Variants in SEZ6L2 observed in about 807,000 individuals in gnomAD.
The protein encoded by SEZ6L2 is seizure related 6 homolog like 2.
In SEZ6L2, 44 loss-of-function variants were observed where a neutral mutation model predicts 97.0. The ratio of observed to expected loss-of-function variants is 0.45; its 90% CI spans 0.36 to 0.58. SEZ6L2 has a LOEUF of 0.58. Among genes scored for constraint, SEZ6L2 ranks in the 20% least tolerant of loss-of-function variants. SEZ6L2 has a pLI of 0.00. For synonymous variants in SEZ6L2, 543 were observed against 546.1 expected, an observed-to-expected ratio of 0.99 and a Z score of 0.08; for missense variants, 1,086 against 1,233.3, an observed-to-expected ratio of 0.88 and a Z score of 1.79.
At chr16:29,890,793 G>A (rs1313813342) in intron 5 of SEZ6L2, among the ~76,000 whole-genome samples, 1 of 126,068 alleles carries the variant, frequency 7.9e-6, no homozygotes, top group Admixed American at 1.0e-4. Context: ...CTGTCACCCA[G>A]TCTGGAGTGC....
chr16:29,898,119 A>G, intron 1 of SEZ6L2, 135 bp from the exon 2 acceptor site: 1 of 1,314,284 alleles, frequency 7.6e-7, no homozygotes, highest in Non-Finnish European at 1.0e-6. Context: ...GGCTCGACTG[A>G]GGGCCAAGAT....
At chr16:29,884,989 C>T (rs2068104476) in intron 8 of SEZ6L2, among the ~76,000 whole-genome samples, 1 of 152,016 alleles carries the variant, frequency 6.6e-6, no homozygotes, top group Non-Finnish European at 1.5e-5. Context: ...AGGCGGATCA[C>T]AAGGTCAGGA....
intron 17 of SEZ6L2, 148 bp downstream of exon 17, chr16:29,872,037 TAC>T: frequency 1.5e-6 from 1 of 671,670 alleles, no homozygotes; most frequent in Non-Finnish European, 2.5e-6. Flanking sequence ...CCCTATTGTA[TAC>T]ACATGGCTTG....
intron 8 of SEZ6L2, among the ~76,000 whole-genome samples, chr16:29,884,521 GAGGGGGGCTGC>G (rs2068092205): frequency 6.6e-6 from 1 of 151,784 alleles, no homozygotes; most frequent in Admixed American, 6.6e-5. Context: ...GAACCTGGAG[GAGGGGGGCTGC>G]AGTGAGCTGA....
rs138142804 is a variant in SEZ6L2, at chr16:29,873,616, C to G, written c.2218G>C (p.Glu740Gln). ...QYRCLPGYSL[E>Q]GAAMLTCYSR... is the part of the protein sequence containing the mutation. The stretch of plus-strand genomic sequence containing the variant: ...TAGCAGGTGAGCATGGCTGCCCCCT[C>G]GAGGCTGTACCCTGGCAGGCAGCGG... The change falls in exon 13 of 18, where the codon GAG becomes CAG. Residue 740 changes from glutamate to glutamine, a missense_variant. Glu to Gln is a conservative substitution (Grantham distance 29). Coordinates refer to ENST00000617533, the MANE Select transcript of SEZ6L2 (RefSeq NM_001243332.2). This position sits in a 1 kb window ranked among gnomAD's most constrained non-coding sequence, Gnocchi z 4.3. 115 of 1,613,936 alleles carry G rather than the reference C, an allele frequency of 7.1e-5. No homozygotes were observed. Among genetic ancestry groups the G allele is most frequent in the Non-Finnish European group, 9.4e-5 (111 of 1,180,004 alleles).
At chr16:29,884,524 G>C (rs892693158) in intron 8 of SEZ6L2, among the ~76,000 whole-genome samples, 17 of 150,228 alleles carry the variant, frequency 1.1e-4, no homozygotes, top group Non-Finnish European at 1.9e-4. Flanking sequence ...CCTGGAGGAG[G>C]GGGGCTGCAG....
chr16:29,879,006 G>C (rs2067973980), intron 9 of SEZ6L2, among the ~76,000 whole-genome samples: 2 of 150,672 alleles, frequency 1.3e-5, no homozygotes, highest in Non-Finnish European at 3.0e-5. Context: ...AGACTCAAGC[G>C]ATTCTCGTGC....
In SEZ6L2 at chr16:29,877,262, C is replaced by G. The variant is rs769182542; in HGVS notation, c.1909+9G>C. Reference sequence around the variant, plus strand: ...CCCCTGCCCATCCCGGGACTCTATCCCTCAGTACCTTTGAAGTGCAATACG... The same window carrying G: ...CCCCTGCCCATCCCGGGACTCTATCGCTCAGTACCTTTGAAGTGCAATACG... On this transcript the variant is annotated intron_variant, in intron 11 of 17. Coordinates refer to ENST00000617533, the MANE Select transcript of SEZ6L2 (RefSeq NM_001243332.2). 3.2e-6 allele frequency: 5 copies of G among 1,570,714 alleles called. No individual in the cohort carries two copies. Among genetic ancestry groups the G allele is most frequent in the Non-Finnish European group, 4.3e-6 (5 of 1,157,884 alleles).
Position 29,896,976 on chromosome 16 carries a change from C to G in SEZ6L2, c.357G>C (p.Ala119=), listed in dbSNP as rs780224187. The change falls in exon 3 of 18, where the codon GCG becomes GCC. Residue 119 remains alanine, a synonymous_variant. Coordinates refer to ENST00000617533, the MANE Select transcript of SEZ6L2 (RefSeq NM_001243332.2). The stretch of plus-strand genomic sequence containing the variant: ...CTGGGGGCGGGGTCAGCAGTTCTGG[C>G]GCAGTGGGGCCTGCCCCCCTGACCC... The part of the protein sequence containing the change: ...PNGVRGAGPT[A]PELLTPPPGT... 2.5e-6 allele frequency: 4 copies of G among 1,591,696 alleles called. No homozygotes were observed. Among genetic ancestry groups the G allele is most frequent in the African/African-American group, 2.7e-5 (2 of 74,628 alleles).
At position 29,873,786 on chromosome 16, in the gene SEZ6L2, C is replaced by A; in HGVS notation, c.2105-57G>T. ...GAGGGCCTTCAAAGATCAGCCTGGG[C>A]AACACAGAGAGACCCCATCTCTACA... On this transcript the variant is annotated intron_variant, in intron 12 of 17. Transcript: ENST00000617533. The surrounding 1 kb of genome is among the most constrained non-coding windows in gnomAD (Gnocchi z 4.3). The A allele has an allele frequency of 6.9e-7, 1 of 1,458,910 alleles. No individual in the cohort carries two copies. The highest frequency in any genetic ancestry group is 9.2e-7 in the Non-Finnish European group (1 of 1,090,230). 90.4% of individuals were successfully genotyped at this position (1,458,910 alleles called of 1,614,324 possible).
Position 29,888,581 on chromosome 16 carries a change from C to T in SEZ6L2, c.998G>A (p.Gly333Asp). The T allele has an allele frequency of 3.1e-6, 5 of 1,613,978 alleles. No homozygotes were observed. The highest frequency in any genetic ancestry group is 1.7e-6 in the Non-Finnish European group (2 of 1,179,946). Residue 333 changes from glycine (G) to aspartate (D), a missense_variant, in exon 6 of 18, where the codon GGC becomes GAC. This residue lies in a region of SEZ6L2 where 776 missense variants were observed against 794.7 expected (regional missense o/e 0.98). Coordinates refer to ENST00000617533, the MANE Select transcript of SEZ6L2 (RefSeq NM_001243332.2). ...TTCACCGTTCCAGGATGGCCGGGTG[C>T]CATTGAGGCAGATGAGGGTCTCCTC... ...QGEETLICLN[G>D]TRPSWNGETP...
chr16:29,899,346 GGC>G lies in SEZ6L2; in HGVS notation c.-329_-328del, dbSNP rs1355446047. 2.9e-6 allele frequency: 1 copy of G among 345,104 alleles called. No individual in the cohort carries two copies. Among genetic ancestry groups the G allele is most frequent in the African/African-American group, 2.3e-5 (1 of 44,170 alleles). The allele number at this position is 345,104 out of a possible 1,614,324, so 21.4% of individuals were successfully genotyped here. Reference sequence around the variant, plus strand: ...GTGGCCTGGGTTACCCTCCTGCTCAGGCGCCTGGGTCCACTGGGCTGTCTGGA... The same window carrying G: ...GTGGCCTGGGTTACCCTCCTGCTCAGGCCTGGGTCCACTGGGCTGTCTGGA... On this transcript the variant is annotated 5_prime_UTR_variant, in exon 1 of 18. Coordinates refer to ENST00000617533, the MANE Select transcript of SEZ6L2 (RefSeq NM_001243332.2).
At chr16:29,891,913 C>T (rs150838308) in intron 5 of SEZ6L2, among the ~76,000 whole-genome samples, 54 of 152,292 alleles carry the variant, frequency 3.5e-4, no homozygotes, top group African/African-American at 1.3e-3. Context: ...GCTGAGAAAA[C>T]GTTAATCACC....
intron 8 of SEZ6L2, 28 bp downstream of exon 8, chr16:29,885,558 G>A (rs1472252644): frequency 1.2e-6 from 2 of 1,602,592 alleles, no homozygotes; most frequent in Non-Finnish European, 1.7e-6. Flanking sequence ...GTGGCGGTTG[G>A]GGTCCTGTGG....
intron 5 of SEZ6L2, among the ~76,000 whole-genome samples, chr16:29,890,632 T>A (rs2068250980): frequency 6.6e-6 from 1 of 152,046 alleles, no homozygotes; most frequent in Non-Finnish European, 1.5e-5. Context: ...GGGGCTTATG[T>A]ACCACCTCTT....
In SEZ6L2 at chr16:29,888,711, A is replaced by G; in HGVS notation, c.868T>C (p.Cys290Arg). Residue 290 changes from cysteine to arginine, a missense_variant, in exon 6 of 18, where the codon TGT (cysteine) becomes CGT (arginine). By Grantham distance (180) the Cys-to-Arg change is radical. Transcript: ENST00000617533. ...RIHYQAYLLS[C>R]GFPPRPAHGD... ...TGGGCCGGCCGGGGAGGGAAGCCAC[A>G]GCTCAGGAGGTAGGCTGCACCAGAC... 1 of 1,612,900 alleles carries G rather than the reference A, an allele frequency of 6.2e-7. No homozygotes were observed. The highest frequency in any genetic ancestry group is 8.5e-7 in the Non-Finnish European group (1 of 1,179,616).
intron 8 of SEZ6L2, 116 bp downstream of exon 8, chr16:29,885,470 C>T: frequency 8.6e-7 from 1 of 1,165,006 alleles, no homozygotes; most frequent in Non-Finnish European, 1.2e-6. Context: ...AGTCACGTTT[C>T]AAGGAACCCA....
intron 2 of SEZ6L2, among the ~76,000 whole-genome samples, chr16:29,897,523 C>A (rs527557373): frequency 6.6e-6 from 1 of 152,192 alleles, no homozygotes; most frequent in South Asian, 2.1e-4. Context: ...GATTCGAGAT[C>A]CACTAGTTTT....
Position 29,872,478 on chromosome 16 carries a change from G to A in SEZ6L2, c.2576C>T (p.Ala859Val), listed in dbSNP as rs1382362101. 6.2e-7 allele frequency: 1 copy of A among 1,614,220 alleles called. No homozygotes were observed. Among genetic ancestry groups the A allele is most frequent in the Non-Finnish European group, 8.5e-7 (1 of 1,180,052 alleles). The stretch of plus-strand genomic sequence containing the variant: ...GCCTAGAGGCAGCAGGATGGCCAGG[G>A]CCAGGTTCCCCCCTTCCAGCTGCCG... Reference protein sequence around the residue: ...PSRQLEGGNLALAILLPLGLV... With the variant: ...PSRQLEGGNLVLAILLPLGLV... Residue 859 changes from alanine (A) to valine (V), a missense_variant, in exon 16 of 18, where the codon GCC becomes GTC. Coordinates refer to ENST00000617533, the MANE Select transcript of SEZ6L2 (RefSeq NM_001243332.2).
Sources: allele counts gnomAD v4.1 joint callset (sites outside exome capture counted in the v4.1 genomes callset), GRCh38; gene constraint gnomAD v4.1.1; regional missense constraint gnomAD v4.1.1; non-coding constraint Gnocchi (gnomAD v3.1); transcripts MANE v1.5; gene names NCBI Gene and HGNC (gene_info 2026-07-23, HGNC 2026-07-21).